NF1: variants seen among roughly 807,000 people sequenced by gnomAD.
NF1 encodes neurofibromin.
A neutral mutation model predicts 325.7 loss-of-function variants in NF1; 122 were observed. The ratio of observed to expected loss-of-function variants is 0.37; its 90% CI spans 0.32 to 0.44. The LOEUF (loss-of-function observed/expected upper bound fraction) is 0.44. Ranked by LOEUF, NF1 falls within the 20% of genes least tolerant of loss-of-function variation. The pLI, the probability that NF1 is intolerant of heterozygous loss-of-function variation, is 1.00. For missense variants in NF1, 2,140 were observed against 3,415.4 expected (o/e 0.63, Z 9.31); for synonymous variants, 1,091 against 1,186.0 (o/e 0.92, Z 1.65).
chr17:31,315,688 A>G (rs889353015), intron 36 of NF1, among the ~76,000 whole-genome samples: 1 of 152,194 alleles, frequency 6.6e-6, no homozygotes, highest in Admixed American at 6.5e-5. Context: ...TTATAAGCTT[A>G]TTGTGGAATT....
chr17:31,147,129 C>T (rs1213630323), intron 1 of NF1, among the ~76,000 whole-genome samples: 2 of 152,312 alleles, frequency 1.3e-5, no homozygotes, highest in African/African-American at 2.4e-5. Flanking sequence ...TGTAAATATA[C>T]AGCTCAGTTA....
chr17:31,228,946 A>T, intron 20 of NF1, 79 bp from the exon 21 acceptor site: 1 of 1,133,400 alleles, frequency 8.8e-7, no homozygotes, highest in South Asian at 1.5e-5. Context: ...CATGGAAGAA[A>T]TGTTGGATAA....
intron 2 of NF1, among the ~76,000 whole-genome samples, chr17:31,158,367 A>G (rs985035601): frequency 3.3e-5 from 5 of 152,186 alleles, no homozygotes; most frequent in Non-Finnish European, 5.9e-5. Flanking sequence ...ACGGAAAGAC[A>G]TTTAACATTT....
At chr17:31,284,355 T>C (rs1245504391) in intron 36 of NF1, among the ~76,000 whole-genome samples, 1 of 152,130 alleles carries the variant, frequency 6.6e-6, no homozygotes, top group Non-Finnish European at 1.5e-5. Flanking sequence ...AGATCTCAGC[T>C]CACTGCAACC....
chr17:31,128,853 G>A (rs1241204314), intron 1 of NF1, among the ~76,000 whole-genome samples: 2 of 151,878 alleles, frequency 1.3e-5, no homozygotes, highest in African/African-American at 4.8e-5. Context: ...GTAAACCCGG[G>A]AGGCGGAGCT....
chr17:31,114,452 C>G (rs964271398), intron 1 of NF1, among the ~76,000 whole-genome samples: 1 of 151,492 alleles, frequency 6.6e-6, no homozygotes, highest in South Asian at 2.1e-4. Context: ...GCAGGAGAAT[C>G]GCTTCAACCC....
chr17:31,201,260 C>T, intron 10 of NF1, 101 bp downstream of exon 10: 1 of 1,529,544 alleles, frequency 6.5e-7, no homozygotes, highest in Admixed American at 1.7e-5. Context: ...ATCGGTATTT[C>T]TCACTATTAT....
intron 1 of NF1, among the ~76,000 whole-genome samples, chr17:31,104,667 C>T (rs1912685342): frequency 1.3e-5 from 2 of 152,208 alleles, no homozygotes; most frequent in South Asian, 4.1e-4. Context: ...GTTGTAGTGA[C>T]TGTGAATTAA....
intron 36 of NF1, chr17:31,273,745 A>G (rs1193333270): frequency 6.6e-6 from 1 of 152,224 alleles, no homozygotes; most frequent in Non-Finnish European, 1.5e-5. Context: ...GAGTGTTTCC[A>G]GACAACTACA....
intron 36 of NF1, among the ~76,000 whole-genome samples, chr17:31,274,176 T>A (rs1429146514): frequency 2.0e-5 from 3 of 152,204 alleles, no homozygotes; most frequent in African/African-American, 7.2e-5. Flanking sequence ...TTTTTCATAC[T>A]GAGTTTACAA....
chr17:31,095,381 G>A lies in NF1; in HGVS notation c.60+12G>A, dbSNP rs1300623938. 5.2e-6 allele frequency: 8 copies of A among 1,538,764 alleles called. No individual in the cohort carries two copies. The East Asian group carries it at 1.5e-4, about 28-fold the overall frequency. ...GCTTCGACGAGCAGGTAACCGGCCC[G>A]TGGCGGGCGGGAGGTGGGAGCGGAG... On this transcript the variant is annotated intron_variant, in intron 1 of 57. Transcript: ENST00000358273.
rs147661391 is a variant in NF1 at position 31,333,712 on chromosome 17, G to A, written c.5813-1126G>A. ...GAATTTCAGTTTGGAAGATGAAAAG[G>A]TTCTAGAGATGGATGGTGGTGATGG... is the stretch of plus-strand genomic sequence containing the variant. On this transcript the variant is annotated intron_variant, in intron 39 of 57. Transcript: ENST00000358273. Among the ~76,000 whole-genome samples the A allele has an allele frequency of 7.7e-3, 1,165 of 152,280 alleles. 18 individuals carry two copies. The highest frequency in any genetic ancestry group is 0.027 in the African/African-American group (1,117 of 41,574).
At chr17:31,251,101 A>G in intron 30 of NF1, 1 of 196,312 alleles carries the variant, frequency 5.1e-6, no homozygotes, top group Non-Finnish European at 1.1e-5. Context: ...TTTGGTCTCA[A>G]GATAGTATTT....
At chr17:31,097,459 C>CAAA (rs71142015) in intron 1 of NF1, among the ~76,000 whole-genome samples, 11 of 78,328 alleles carry the variant, frequency 1.4e-4, no homozygotes, top group Non-Finnish European at 2.2e-4. Context: ...CTCTTGTCTC[C>CAAA]AAAAAAAAAA....
chr17:31,363,771 C>T (rs1309221161), intron 57 of NF1, among the ~76,000 whole-genome samples: 1 of 145,180 alleles, frequency 6.9e-6, no homozygotes, highest in African/African-American at 2.6e-5. Flanking sequence ...GACAGTGTCT[C>T]GCTCAGTAGC....
rs965125397 is a variant in NF1, at chr17:31,208,891, C to CA, written c.1392+2530dup. On this transcript the variant is annotated intron_variant, in intron 12 of 57. Transcript: ENST00000358273. ...GGACAACAAGAGCGAGAATCGGTCTCAAAAAAAAAATCAAACAAAAAAACT... is the reference window on the plus strand; with the variant it reads ...GGACAACAAGAGCGAGAATCGGTCTCAAAAAAAAAAATCAAACAAAAAAACT... 8.5e-4 allele frequency among the ~76,000 whole-genome samples: 126 copies of CA among 147,980 alleles called. 1 individual carries two copies. The highest frequency in any genetic ancestry group is 6.6e-3 in the Admixed American group (98 of 14,894).
intron 57 of NF1, among the ~76,000 whole-genome samples, chr17:31,363,158 A>G (rs2070435172): frequency 6.6e-6 from 1 of 152,100 alleles, no homozygotes; most frequent in Non-Finnish European, 1.5e-5. Context: ...CTGTCACTCA[A>G]TTGTGTGTCA....
chr17:31,260,326 T>G (rs2067661193), intron 33 of NF1, 43 bp from the exon 34 acceptor site: 2 of 1,594,540 alleles, frequency 1.3e-6, no homozygotes, highest in Admixed American at 3.3e-5. Flanking sequence ...TAAGTCTGGG[T>G]GTATCTGGTG....
intron 22 of NF1, 133 bp downstream of exon 22, chr17:31,230,107 G>T (rs2067087503): frequency 7.1e-7 from 1 of 1,403,520 alleles, no homozygotes. Context: ...TGACAGTAAG[G>T]TAGCCAGAAG....
Sources: gnomAD v4.1 joint callset for allele counts (sites outside exome capture counted in the v4.1 genomes callset) on GRCh38, gnomAD v4.1.1 for gene constraint, MANE v1.5 for transcripts, NCBI Gene and HGNC (gene_info 2026-07-23, HGNC 2026-07-21) for gene names.